The following SOX5 variants were observed in gnomAD, a reference collection of about 807,000 sequenced individuals.
SOX5 encodes transcription factor SOX-5.
Under a neutral mutation model 92.0 loss-of-function variants are expected in SOX5, and 9 were observed. That is an observed-to-expected ratio of 0.10 (90% CI 0.06 to 0.17). SOX5 has a LOEUF of 0.17. SOX5 is among the 10% of genes least tolerant of loss of function. The pLI, the probability that SOX5 is intolerant of heterozygous loss-of-function variation, is 1.00. For missense variants in SOX5, 642 were observed against 944.5 expected (o/e 0.68, Z 4.20); for synonymous variants, 344 against 336.3 (o/e 1.02, Z -0.25).
chr12:23,789,625 C>T (rs2095436948), intron 3 of SOX5, among the ~76,000 whole-genome samples: 2 of 152,060 alleles, frequency 1.3e-5, no homozygotes. Context: ...TTAAAATTCT[C>T]AGGATAATTT....
rs545063129 is a variant in SOX5, at chr12:23,693,167, G to A, written c.811-27603C>T. 4.6e-5 allele frequency among the ~76,000 whole-genome samples: 7 copies of A among 152,184 alleles called. No homozygotes were observed. The South Asian group carries it at 8.3e-4, about 18-fold the overall frequency. On this transcript the variant is annotated intron_variant, in intron 6 of 14. Coordinates refer to ENST00000451604, the MANE Select transcript of SOX5 (RefSeq NM_006940.6). ...AGACAGAGTCTCACTGTGTTGCCCA[G>A]GCTGGAGTGCAAGTGGCACGATCTC...
At chr12:23,963,765 TAAAA>T (rs60053598) in intron 4 of SOX5, among the ~76,000 whole-genome samples, 2 of 125,856 alleles carry the variant, frequency 1.6e-5, no homozygotes, top group Admixed American at 8.3e-5. Flanking sequence ...ATGAATGAAG[TAAAA>T]AAAAAAAAAA....
chr12:24,029,129 G>A (rs1036462671), intron 4 of SOX5, among the ~76,000 whole-genome samples: 24 of 151,948 alleles, frequency 1.6e-4, no homozygotes, highest in African/African-American at 5.8e-4. Flanking sequence ...AATGATAATA[G>A]TAGTCTTAAC....
At chr12:24,213,204 T>C (rs1034594213) in intron 4 of SOX5, 1 of 151,914 alleles carries the variant, frequency 6.6e-6, no homozygotes, top group Non-Finnish European at 1.5e-5. Context: ...ACTTCTTACA[T>C]TATTAGAGTA....
Position 23,872,164 on chromosome 12 carries a change from A to ATTTTTTTTTTTTTTTTTTT in SOX5, c.270+23610_270+23628dup, listed in dbSNP as rs71059938. The stretch of plus-strand genomic sequence containing the variant: ...AGGCGCCCGCCACCACGCCCGGCTA[A>ATTTTTTTTTTTTTTTTTTT]TTTTTTTTTTTTTTTTTTTTTTTTT... On this transcript the variant is annotated intron_variant, in intron 2 of 14. Coordinates refer to ENST00000451604, the MANE Select transcript of SOX5 (RefSeq NM_006940.6). Among the ~76,000 whole-genome samples the ATTTTTTTTTTTTTTTTTTT allele has an allele frequency of 3.1e-4, 19 of 61,650 alleles. 1 individual carries two copies. The highest frequency in any genetic ancestry group is 4.6e-4 in the African/African-American group (8 of 17,434). 40.4% of individuals were successfully genotyped at this position (61,650 alleles called of 152,430 possible).
intron 6 of SOX5, among the ~76,000 whole-genome samples, chr12:23,696,332 C>A (rs2089856980): frequency 1.3e-5 from 2 of 151,998 alleles, no homozygotes; most frequent in Non-Finnish European, 2.9e-5. Context: ...GCATGCATTT[C>A]TCCTTGAGCG....
chr12:23,640,203 C>G (rs2079860756), intron 8 of SOX5, among the ~76,000 whole-genome samples: 1 of 152,180 alleles, frequency 6.6e-6, no homozygotes, highest in Non-Finnish European at 1.5e-5. Context: ...CAAAGCTTCT[C>G]AAATCACTTG....
At chr12:24,032,750 A>G (rs539067210) in intron 4 of SOX5, among the ~76,000 whole-genome samples, 1 of 152,050 alleles carries the variant, frequency 6.6e-6, no homozygotes, top group African/African-American at 2.4e-5. Context: ...AAAGAAATTT[A>G]AAACTTAACT....
In SOX5 at chr12:23,653,162, C is replaced by T. The variant is rs1051295798; in HGVS notation, c.932-12265G>A. On this transcript the variant is annotated intron_variant, in intron 7 of 14. Transcript: ENST00000451604. ...CTGCAGCATATGTCTAAACATATTT[C>T]CCTGAATTGGTCTCATGTCCTCAAA... Among the ~76,000 whole-genome samples, 8 of 151,974 alleles carry T rather than the reference C, an allele frequency of 5.3e-5. No individual in the cohort carries two copies. The East Asian group carries it at 1.5e-3, about 29-fold the overall frequency.
Position 24,373,428 on chromosome 12 carries a change from T to C in SOX5, c.-250-4789A>G, listed in dbSNP as rs575561868. Among the ~76,000 whole-genome samples, 3 of 152,348 alleles carry C rather than the reference T, an allele frequency of 2.0e-5. No individual in the cohort carries two copies. The East Asian group carries it at 5.8e-4, about 29-fold the overall frequency. ...ATTTCAGTGTGTACAATATGCTAAA[T>C]TCTGTGTTAGTTGAAGTCAGCATTC... On this transcript the variant is annotated intron_variant, in intron 1 of 4. Transcript: ENST00000446891.
At chr12:24,284,345 A>G (rs1226723142) in intron 2 of SOX5, among the ~76,000 whole-genome samples, 3 of 152,038 alleles carry the variant, frequency 2.0e-5, no homozygotes, top group Non-Finnish European at 4.4e-5. Flanking sequence ...AGGCTTCTCT[A>G]GGAGTCACCT....
chr12:24,304,631 T>G (rs1449731865), intron 2 of SOX5, among the ~76,000 whole-genome samples: 2 of 152,162 alleles, frequency 1.3e-5, no homozygotes, highest in Admixed American at 1.3e-4. Flanking sequence ...TCGCTTCGTA[T>G]TTTAGCTCAA....
At chr12:23,860,631 T>C (rs1347495517) in intron 2 of SOX5, among the ~76,000 whole-genome samples, 2 of 152,264 alleles carry the variant, frequency 1.3e-5, no homozygotes, top group East Asian at 3.9e-4. Flanking sequence ...GGAAATTCAA[T>C]TGTTTGAGAT....
chr12:24,039,490 T>C (rs972950544), intron 4 of SOX5, among the ~76,000 whole-genome samples: 39 of 152,170 alleles, frequency 2.6e-4, no homozygotes, highest in Non-Finnish European at 8.8e-5. Context: ...GCAGCATTGT[T>C]GCAACCAGAA....
chr12:24,296,564 G>A (rs1408488429), intron 2 of SOX5, among the ~76,000 whole-genome samples: 1 of 152,138 alleles, frequency 6.6e-6, no homozygotes, highest in East Asian at 1.9e-4. Flanking sequence ...TATTTATACT[G>A]TAAAACTCAT....
At chr12:24,125,535 C>T (rs1949029888) in intron 4 of SOX5, among the ~76,000 whole-genome samples, 2 of 152,184 alleles carry the variant, frequency 1.3e-5, no homozygotes, top group Admixed American at 1.3e-4. Flanking sequence ...CATTTTGCCC[C>T]TTCTGTTTTC....
At chr12:24,005,818 A>T (rs756206814) in intron 4 of SOX5, among the ~76,000 whole-genome samples, 10 of 152,222 alleles carry the variant, frequency 6.6e-5, no homozygotes, top group Non-Finnish European at 1.3e-4. Context: ...TTTTATTAAA[A>T]TACAGAGAAG....
At chr12:24,038,447 G>A (rs1956245096) in intron 4 of SOX5, among the ~76,000 whole-genome samples, 6 of 152,186 alleles carry the variant, frequency 3.9e-5, no homozygotes, top group Admixed American at 3.3e-4. Flanking sequence ...GGCTTGGGAA[G>A]TTCCCGTGTC....
chr12:24,145,233 T>C (rs1175357151), intron 4 of SOX5, among the ~76,000 whole-genome samples: 1 of 152,112 alleles, frequency 6.6e-6, no homozygotes, highest in African/African-American at 2.4e-5. Context: ...AAATAAAATG[T>C]AATTATAAAA....
Sources: allele counts gnomAD v4.1 joint callset (sites outside exome capture counted in the v4.1 genomes callset), GRCh38; gene constraint gnomAD v4.1.1; transcripts MANE v1.5; gene names NCBI Gene and HGNC (gene_info 2026-07-23, HGNC 2026-07-21).